The following ESRRG variants were observed in gnomAD, a reference collection of about 807,000 sequenced individuals.
ESRRG encodes estrogen related receptor gamma.
Under a neutral mutation model 44.0 loss-of-function variants are expected in ESRRG, and 13 were observed. The ratio of observed to expected loss-of-function variants is 0.30; its 90% CI spans 0.19 to 0.47. The LOEUF (loss-of-function observed/expected upper bound fraction) is 0.47. ESRRG is among the 20% of genes least tolerant of loss of function. The pLI, the probability that ESRRG is intolerant of heterozygous loss-of-function variation, is 1.00. For synonymous variants in ESRRG, 215 were observed against 214.6 expected, an observed-to-expected ratio of 1.00 and a Z score of -0.02; for missense variants, 395 against 580.6, an observed-to-expected ratio of 0.68 and a Z score of 3.29.
intron 3 of ESRRG, among the ~76,000 whole-genome samples, chr1:216,602,405 A>G (rs1166290732): frequency 6.6e-6 from 1 of 152,228 alleles, no homozygotes; most frequent in Non-Finnish European, 1.5e-5. Context: ...AAGATTCATC[A>G]ATACCAAGTA....
At chr1:217,042,597 C>G (rs6699056) in intron 1 of ESRRG, among the ~76,000 whole-genome samples, 1 of 152,012 alleles carries the variant, frequency 6.6e-6, no homozygotes, top group Non-Finnish European at 1.5e-5. Flanking sequence ...CACACTCCCC[C>G]CTGCCCTTGC....
chr1:216,720,495 C>T (rs990831544), intron 1 of ESRRG, among the ~76,000 whole-genome samples: 5 of 152,006 alleles, frequency 3.3e-5, no homozygotes, highest in Non-Finnish European at 7.4e-5. Context: ...CAAATAATAT[C>T]ACATCTAAAG....
upstream of ESRRG, among the ~76,000 whole-genome samples, chr1:217,091,928 A>C (rs2092352209): frequency 6.6e-6 from 1 of 152,196 alleles, no homozygotes; most frequent in African/African-American, 2.4e-5. Flanking sequence ...AAAGAACCAT[A>C]ACAATTTGAC....
intron 1 of ESRRG, among the ~76,000 whole-genome samples, chr1:217,114,615 C>A (rs1301697616): frequency 6.6e-6 from 1 of 151,134 alleles, no homozygotes; most frequent in Non-Finnish European, 1.5e-5. Context: ...AACATTTTTA[C>A]TGTCCTGAAT....
intron 1 of ESRRG, among the ~76,000 whole-genome samples, chr1:217,131,189 T>C (rs997132936): frequency 2.0e-5 from 3 of 152,206 alleles, no homozygotes; most frequent in African/African-American, 7.2e-5. Flanking sequence ...TTCCTGAAGC[T>C]ATGTTAAATA....
intron 1 of ESRRG, among the ~76,000 whole-genome samples, chr1:216,703,965 C>T (rs1356009538): frequency 6.6e-6 from 1 of 151,976 alleles, no homozygotes; most frequent in African/African-American, 2.4e-5. Flanking sequence ...TCAATCACCT[C>T]AAAGACTTTT....
At chr1:216,661,917 T>TG in intron 2 of ESRRG, among the ~76,000 whole-genome samples, 1 of 152,310 alleles carries the variant, frequency 6.6e-6, no homozygotes, top group Non-Finnish European at 1.5e-5. Flanking sequence ...GCTAACATAC[T>TG]GGAGTCAAAT....
intron 2 of ESRRG, among the ~76,000 whole-genome samples, chr1:216,803,894 T>C (rs1380061991): frequency 3.9e-5 from 6 of 152,280 alleles, no homozygotes; most frequent in Middle Eastern, 3.4e-3. Context: ...TGGGGAGCTT[T>C]TGTTGAGTAG....
intron 2 of ESRRG, among the ~76,000 whole-genome samples, chr1:216,806,335 G>A (rs2094791598): frequency 1.3e-5 from 2 of 152,186 alleles, no homozygotes; most frequent in African/African-American, 4.8e-5. Flanking sequence ...GAGATGATTT[G>A]AAATGTCATG....
intron 3 of ESRRG, among the ~76,000 whole-genome samples, chr1:216,575,510 T>G (rs753135201): frequency 2.0e-4 from 30 of 152,252 alleles, no homozygotes; most frequent in Non-Finnish European, 4.1e-4. Flanking sequence ...AGTCATTGGT[T>G]ATTGAGAACT....
At chr1:216,759,056 T>C (rs976484910) in intron 2 of ESRRG, among the ~76,000 whole-genome samples, 5 of 152,080 alleles carry the variant, frequency 3.3e-5, no homozygotes, top group Admixed American at 2.0e-4. Context: ...TTGAAGCATA[T>C]GTTCCTAGCC....
At position 216,732,381 on chromosome 1, in the gene ESRRG, A is replaced by ATTT. The variant is rs5780915; in HGVS notation, c.-13-54893_-13-54891dup. On this transcript the variant is annotated intron_variant, in intron 2 of 7. Coordinates refer to the ESRRG transcript ENST00000359162. ...GCAAAGTTGACATCTGGATTTATTG[A>ATTT]TTTTTTTTTTTTTTTAACAGAGACT... Among the ~76,000 whole-genome samples the ATTT allele has an allele frequency of 8.9e-3, 1,291 of 145,504 alleles. 19 individuals carry two copies. Among genetic ancestry groups the ATTT allele is most frequent in the African/African-American group, 0.031 (1,225 of 39,764 alleles).
At chr1:216,549,999 G>A (rs935539019) in intron 5 of ESRRG, among the ~76,000 whole-genome samples, 1 of 152,128 alleles carries the variant, frequency 6.6e-6, no homozygotes, top group East Asian at 1.9e-4. Context: ...GCGGAAGTCA[G>A]TTCAAGTCCT....
rs139798538 is a variant in ESRRG at position 216,633,898 on chromosome 1, T to C, written c.589+17075A>G. 9.9e-3 allele frequency among the ~76,000 whole-genome samples: 1,502 copies of C among 152,342 alleles called. 26 individuals carry two copies. The highest frequency in any genetic ancestry group is 0.014 in the Middle Eastern group (4 of 294). ...ACTGCTTTGAGATCAATCTTCAAAA[T>C]AGTTTTCCAGAATTTCTCTCAATAG... is the stretch of plus-strand genomic sequence containing the variant. On this transcript the variant is annotated intron_variant, in intron 3 of 6. Transcript: ENST00000408911.
Position 217,088,492 on chromosome 1 carries a change from T to C in ESRRG, c.-106+1015A>G, listed in dbSNP as rs117038007. 6.6e-4 allele frequency among the ~76,000 whole-genome samples: 100 copies of C among 150,536 alleles called. 1 individual carries two copies. The East Asian group carries it at 0.015, about 23-fold the overall frequency. On this transcript the variant is annotated intron_variant, in intron 1 of 7. Transcript: ENST00000359162. ...GGTTTATGTTAGTGAAATCATTTGC[T>C]TTCTGTGTGTGTCTGTGTCTTATTG...
chr1:216,622,617 C>T (rs981406902), intron 3 of ESRRG, among the ~76,000 whole-genome samples: 2 of 150,302 alleles, frequency 1.3e-5, no homozygotes, highest in South Asian at 2.1e-4. Flanking sequence ...ATTACACACA[C>T]GCACACACAC....
chr1:216,607,751 CAT>C (rs934847166), intron 3 of ESRRG, among the ~76,000 whole-genome samples: 51 of 152,264 alleles, frequency 3.3e-4, no homozygotes, highest in African/African-American at 1.1e-3. Context: ...AGAAAGGAAA[CAT>C]GTGACTATGA....
At chr1:216,591,274 G>A (rs1004208437) in intron 3 of ESRRG, among the ~76,000 whole-genome samples, 3 of 152,182 alleles carry the variant, frequency 2.0e-5, no homozygotes, top group African/African-American at 7.2e-5. Flanking sequence ...TGGAAACATT[G>A]TAACACCACC....
chr1:216,943,309 T>G (rs2065547417), intron 1 of ESRRG, among the ~76,000 whole-genome samples: 1 of 152,172 alleles, frequency 6.6e-6, no homozygotes, highest in Non-Finnish European at 1.5e-5. Flanking sequence ...CAAGAGGACT[T>G]ACACCATCCC....
Sources: gnomAD v4.1 joint callset for allele counts (sites outside exome capture counted in the v4.1 genomes callset) on GRCh38, gnomAD v4.1.1 for gene constraint, MANE v1.5 for transcripts, NCBI Gene and HGNC (gene_info 2026-07-23, HGNC 2026-07-21) for gene names.